The following CNTN5 variants were observed in gnomAD, a reference collection of about 807,000 sequenced individuals.
The protein encoded by CNTN5 is contactin 5.
Under a neutral mutation model 129.1 loss-of-function variants are expected in CNTN5, and 77 were observed. The observed-to-expected ratio is 0.60, with a 90% CI of 0.50 to 0.72. CNTN5 has a LOEUF of 0.72. Ranked by LOEUF, CNTN5 falls within the 30% of genes least tolerant of loss-of-function variation. The probability of loss-of-function intolerance (pLI) is 0.00; values close to 1 mark genes in which losing one functional copy is unlikely to be tolerated. For missense variants in CNTN5, 1,478 were observed against 1,328.8 expected (o/e 1.11, Z -1.75); for synonymous variants, 509 against 465.6 (o/e 1.09, Z -1.20).
intron 2 of CNTN5, among the ~76,000 whole-genome samples, chr11:99,523,446 T>C (rs1947344914): frequency 6.6e-6 from 1 of 151,894 alleles, no homozygotes; most frequent in African/African-American, 2.4e-5. Context: ...AACACAAAAA[T>C]TAGCCAGGTG....
chr11:100,232,545 A>C (rs1949512294), intron 16 of CNTN5, among the ~76,000 whole-genome samples: 1 of 152,244 alleles, frequency 6.6e-6, no homozygotes, highest in African/African-American at 2.4e-5. Context: ...GCAGAATCTT[A>C]AGAAAATCCT....
intron 2 of CNTN5, among the ~76,000 whole-genome samples, chr11:99,506,101 G>T (rs958999556): frequency 1.3e-5 from 2 of 152,042 alleles, no homozygotes; most frequent in African/African-American, 4.8e-5. Context: ...AGTATTTTTT[G>T]ACAGCTTTAA....
At chr11:99,761,113 T>C (rs1052396685) in intron 3 of CNTN5, among the ~76,000 whole-genome samples, 1 of 152,086 alleles carries the variant, frequency 6.6e-6, no homozygotes, top group Non-Finnish European at 1.5e-5. Flanking sequence ...ATGATATATG[T>C]GTAGAAGGTA....
chr11:99,566,839 C>G (rs980441104), intron 3 of CNTN5, among the ~76,000 whole-genome samples: 2 of 152,166 alleles, frequency 1.3e-5, no homozygotes, highest in Non-Finnish European at 2.9e-5. Context: ...CATTAACATT[C>G]TATCCTTTGG....
chr11:99,418,376 T>C (rs1015314806), intron 2 of CNTN5, among the ~76,000 whole-genome samples: 2 of 152,052 alleles, frequency 1.3e-5, no homozygotes, highest in African/African-American at 2.4e-5. Flanking sequence ...ACTAGATCCA[T>C]AGGCAAGAAA....
intron 3 of CNTN5, among the ~76,000 whole-genome samples, chr11:99,715,197 A>C (rs1427306466): frequency 6.6e-6 from 1 of 152,030 alleles, no homozygotes; most frequent in Non-Finnish European, 1.5e-5. Context: ...AAGCTGAATA[A>C]AAGAGAGTGA....
chr11:99,171,808 T>C (rs1861161985), intron 1 of CNTN5, among the ~76,000 whole-genome samples: 1 of 152,206 alleles, frequency 6.6e-6, no homozygotes, highest in Admixed American at 6.5e-5. Context: ...GTATTAATAA[T>C]CAATAATTAC....
At chr11:99,496,950 C>T (rs1054648412) in intron 2 of CNTN5, among the ~76,000 whole-genome samples, 1 of 152,116 alleles carries the variant, frequency 6.6e-6, no homozygotes, top group African/African-American at 2.4e-5. Context: ...TTAATATCGT[C>T]GGCCAGAATT....
chr11:99,315,930 A>T (rs1404187854), intron 1 of CNTN5, among the ~76,000 whole-genome samples: 1 of 130,984 alleles, frequency 7.6e-6, no homozygotes, highest in African/African-American at 2.6e-5. Context: ...AGTCGATAGA[A>T]TGACGCAAAT....
chr11:99,831,859 G>T (rs1047775116), intron 4 of CNTN5, among the ~76,000 whole-genome samples: 1 of 152,060 alleles, frequency 6.6e-6, no homozygotes, highest in African/African-American at 2.4e-5. Context: ...TTTCCAATTT[G>T]CTTCAAATGC....
At chr11:100,158,621 AT>A (rs1448867886) in intron 13 of CNTN5, among the ~76,000 whole-genome samples, 1 of 151,852 alleles carries the variant, frequency 6.6e-6, no homozygotes, top group Non-Finnish European at 1.5e-5. Context: ...AGAAATGCAA[AT>A]TTTTAAAAAT....
At chr11:99,465,387 C>G (rs1944890779) in intron 2 of CNTN5, among the ~76,000 whole-genome samples, 1 of 152,174 alleles carries the variant, frequency 6.6e-6, no homozygotes, top group Admixed American at 6.5e-5. Context: ...ATATCAAACA[C>G]TTCTAGCCCT....
At chr11:99,128,137 C>T (rs1186241527) in intron 1 of CNTN5, among the ~76,000 whole-genome samples, 1 of 152,174 alleles carries the variant, frequency 6.6e-6, no homozygotes, top group Non-Finnish European at 1.5e-5. Flanking sequence ...AGCCAAACAT[C>T]CTCACTCAGA....
intron 2 of CNTN5, among the ~76,000 whole-genome samples, chr11:99,461,346 C>T (rs192774127): frequency 6.6e-6 from 1 of 152,128 alleles, no homozygotes; most frequent in Non-Finnish European, 1.5e-5. Flanking sequence ...TTTGTCGTTT[C>T]TGGTTTTCTC....
Position 99,771,724 on chromosome 11 carries a change from C to T in CNTN5, c.56-47820C>T, listed in dbSNP as rs536250465. ...GACCACATTCTGGGGATTTAATATA[C>T]AGCATGTCAAGTAAGGTTAATAATG... is the stretch of plus-strand genomic sequence containing the variant. On this transcript the variant is annotated intron_variant, in intron 3 of 24. Transcript: ENST00000524871. Among the ~76,000 whole-genome samples, 6 of 152,050 alleles carry T rather than the reference C, an allele frequency of 3.9e-5. No homozygotes were observed. In the South Asian group the frequency reaches 1.2e-3, roughly 32 times the overall value.
intron 2 of CNTN5, among the ~76,000 whole-genome samples, chr11:99,425,023 C>T (rs1048480837): frequency 6.6e-6 from 1 of 152,260 alleles, no homozygotes; most frequent in African/African-American, 2.4e-5. Flanking sequence ...TAGCTCCTTT[C>T]TATGGGCAGG....
intron 3 of CNTN5, among the ~76,000 whole-genome samples, chr11:99,609,832 G>T (rs1011025904): frequency 6.6e-6 from 1 of 152,086 alleles, no homozygotes; most frequent in Non-Finnish European, 1.5e-5. Flanking sequence ...ACTGGGTGTA[G>T]TTCTTTTTGC....
chr11:99,391,595 A>G (rs1409376100), intron 2 of CNTN5, among the ~76,000 whole-genome samples: 2 of 152,116 alleles, frequency 1.3e-5, no homozygotes, highest in African/African-American at 2.4e-5. Flanking sequence ...CAGAGGAGCT[A>G]TGTGGAAATG....
chr11:99,977,758 T>C (rs1156727928), intron 8 of CNTN5, among the ~76,000 whole-genome samples: 1 of 152,224 alleles, frequency 6.6e-6, no homozygotes, highest in Non-Finnish European at 1.5e-5. Flanking sequence ...ATGGGGATTA[T>C]AATTCAACAT....
Sources: gnomAD v4.1 joint callset for allele counts (sites outside exome capture counted in the v4.1 genomes callset) on GRCh38, gnomAD v4.1.1 for gene constraint, MANE v1.5 for transcripts, NCBI Gene and HGNC (gene_info 2026-07-23, HGNC 2026-07-21) for gene names.